GPR158: variants seen among roughly 807,000 people sequenced by gnomAD.
GPR158 encodes the protein G protein-coupled receptor 158, also known as metabotropic glycine receptor.
In GPR158, 30 loss-of-function variants were observed where a neutral mutation model predicts 78.2. The observed-to-expected ratio is 0.38, with a 90% CI of 0.29 to 0.52. GPR158 has a LOEUF of 0.52. GPR158 is among the 20% of genes least tolerant of loss of function. GPR158 has a pLI of 0.83. For synonymous variants in GPR158, 581 were observed against 591.1 expected (o/e 0.98, Z 0.25); for missense variants, 1,463 against 1,523.5 (o/e 0.96, Z 0.66).
At chr10:25,402,781 T>C (rs567155836) in intron 3 of GPR158, among the ~76,000 whole-genome samples, 1 of 147,952 alleles carries the variant, frequency 6.8e-6, no homozygotes, top group South Asian at 2.1e-4. Context: ...TTTCAGAATA[T>C]CTGTTTAAAT....
intron 2 of GPR158, among the ~76,000 whole-genome samples, chr10:25,369,205 T>C (rs57383138): frequency 0.14 from 20,693 of 150,186 alleles, 1,609 homozygotes; most frequent in African/African-American, 0.23. Context: ...CAACACTATG[T>C]TGACTAGGAG....
chr10:25,177,459 CT>C (rs1216185945), intron 1 of GPR158, among the ~76,000 whole-genome samples: 4 of 152,266 alleles, frequency 2.6e-5, no homozygotes, highest in African/African-American at 9.6e-5. Flanking sequence ...ACTGAGAAAC[CT>C]TTGTGTGTGG....
rs149550457 is a variant in GPR158, at chr10:25,546,687, G to A, written c.1405-4289G>A. 5.3e-5 allele frequency among the ~76,000 whole-genome samples: 8 copies of A among 152,318 alleles called. No homozygotes were observed. In the East Asian group the frequency reaches 1.5e-3, roughly 29 times the overall value. On this transcript the variant is annotated intron_variant, in intron 5 of 10. Coordinates refer to ENST00000376351, the MANE Select transcript of GPR158 (RefSeq NM_020752.3). ...CGCTGCTAGTGCCAATGTCACAGAA[G>A]TGAATGAGAAAACCCATGGTTGTCA...
chr10:25,355,716 C>A (rs1195516317), intron 2 of GPR158, among the ~76,000 whole-genome samples: 1 of 151,988 alleles, frequency 6.6e-6, no homozygotes, highest in Non-Finnish European at 1.5e-5. Flanking sequence ...TCATTTTCTG[C>A]CAGGTTACTG....
At chr10:25,412,512 A>T in intron 4 of GPR158, 39 bp downstream of exon 4, 1 of 1,346,896 alleles carries the variant, frequency 7.4e-7, no homozygotes, top group Non-Finnish European at 1.1e-6. Context: ...TGTATTACAG[A>T]GCAACCTCTT....
chr10:25,301,579 T>G (rs977387815), intron 2 of GPR158, among the ~76,000 whole-genome samples: 3 of 151,922 alleles, frequency 2.0e-5, no homozygotes, highest in African/African-American at 7.3e-5. Context: ...GTTGGGATTG[T>G]GAGGAATTTG....
intron 2 of GPR158, among the ~76,000 whole-genome samples, chr10:25,388,121 C>T (rs563042887): frequency 3.3e-5 from 5 of 152,322 alleles, no homozygotes; most frequent in African/African-American, 1.2e-4. Flanking sequence ...TAAGAGCTGT[C>T]TTTTGTAAAT....
intron 2 of GPR158, among the ~76,000 whole-genome samples, chr10:25,317,716 G>GTTTTGT (rs1554793351): frequency 0.054 from 7,168 of 133,894 alleles, 303 homozygotes; most frequent in African/African-American, 0.1. Flanking sequence ...TTCGTAAAGT[G>GTTTTGT]TTTTTTTTTG....
chr10:25,276,391 G>T (rs528992429), intron 2 of GPR158, among the ~76,000 whole-genome samples: 2 of 152,170 alleles, frequency 1.3e-5, no homozygotes, highest in African/African-American at 4.8e-5. Flanking sequence ...TTTAATTAAT[G>T]GTTGTTGGAT....
At chr10:25,563,467 G>A (rs1836885172) in intron 6 of GPR158, among the ~76,000 whole-genome samples, 1 of 152,034 alleles carries the variant, frequency 6.6e-6, no homozygotes, top group South Asian at 2.1e-4. Context: ...GTTCCATTTT[G>A]TGATTTGTTT....
chr10:25,511,257 A>G (rs1234942172), intron 5 of GPR158, among the ~76,000 whole-genome samples: 1 of 152,184 alleles, frequency 6.6e-6, no homozygotes, highest in African/African-American at 2.4e-5. Flanking sequence ...GTAAAGTGGT[A>G]TCGCATTGTG....
chr10:25,485,668 CTA>C (rs1835726631), intron 5 of GPR158, among the ~76,000 whole-genome samples: 1 of 152,108 alleles, frequency 6.6e-6, no homozygotes. Context: ...GAAAATATCA[CTA>C]TTGACAAATC....
chr10:25,316,512 T>C (rs1399659992), intron 2 of GPR158, among the ~76,000 whole-genome samples: 2 of 152,252 alleles, frequency 1.3e-5, no homozygotes, highest in African/African-American at 4.8e-5. Flanking sequence ...TGTGAGCTTA[T>C]TGAGCACTGT....
At chr10:25,568,173 G>T (rs1216647119) in intron 6 of GPR158, among the ~76,000 whole-genome samples, 1 of 152,126 alleles carries the variant, frequency 6.6e-6, no homozygotes, top group Non-Finnish European at 1.5e-5. Context: ...CTGATGTCCA[G>T]TAAGACACTG....
At chr10:25,459,694 G>T (rs1019898345) in intron 4 of GPR158, among the ~76,000 whole-genome samples, 11 of 152,088 alleles carry the variant, frequency 7.2e-5, no homozygotes, top group African/African-American at 2.4e-4. Flanking sequence ...GCTTCCTCTG[G>T]GTGCTTATAT....
intron 2 of GPR158, among the ~76,000 whole-genome samples, chr10:25,265,188 C>T (rs760124790): frequency 5.3e-5 from 8 of 152,158 alleles, no homozygotes; most frequent in Non-Finnish European, 1.2e-4. Flanking sequence ...CACATTTTAA[C>T]TCCTTTACTT....
intron 2 of GPR158, among the ~76,000 whole-genome samples, chr10:25,377,471 T>C (rs1036751249): frequency 6.6e-6 from 1 of 152,020 alleles, no homozygotes; most frequent in South Asian, 2.1e-4. Flanking sequence ...GCAACCATCA[T>C]CACTAACTAA....
intron 2 of GPR158, among the ~76,000 whole-genome samples, chr10:25,289,926 C>A (rs1029634273): frequency 2.6e-5 from 4 of 152,034 alleles, no homozygotes; most frequent in African/African-American, 9.7e-5. Flanking sequence ...GATACAATGA[C>A]AAATCAAGAC....
chr10:25,541,069 A>G (rs1469412852), intron 5 of GPR158, among the ~76,000 whole-genome samples: 1 of 151,320 alleles, frequency 6.6e-6, no homozygotes, highest in Non-Finnish European at 1.5e-5. Flanking sequence ...CAAGGAATGT[A>G]CCACTTTACT....
Sources: gnomAD v4.1 joint callset for allele counts (sites outside exome capture counted in the v4.1 genomes callset) on GRCh38, gnomAD v4.1.1 for gene constraint, MANE v1.5 for transcripts, NCBI Gene and HGNC (gene_info 2026-07-23, HGNC 2026-07-21) for gene names.